Variants in ZNF707 observed in about 807,000 individuals in gnomAD.
ZNF707 encodes zinc finger protein 707.
Under a neutral mutation model 13.3 loss-of-function variants are expected in ZNF707, and 8 were observed. The observed-to-expected ratio is 0.60, with a 90% CI of 0.35 to 1.09. ZNF707 has a LOEUF of 1.09. Among genes scored for constraint, ZNF707 ranks in the 50% least tolerant of loss-of-function variants. The pLI is 0.02. For missense variants in ZNF707, 530 were observed against 512.6 expected (o/e 1.03, Z -0.33); for synonymous variants, 225 against 205.6 (o/e 1.09, Z -0.81).
chr8:143,687,006 G>C (rs1816347298), intron 1 of ZNF707: 1 of 151,650 alleles, frequency 6.6e-6, no homozygotes, highest in South Asian at 2.1e-4. Context: ...TGAGCAGCTG[G>C]GATGACAGGC....
intron 1 of ZNF707, among the ~76,000 whole-genome samples, chr8:143,685,716 G>A (rs1292711076): frequency 6.6e-6 from 1 of 151,926 alleles, no homozygotes; most frequent in Non-Finnish European, 1.5e-5. Flanking sequence ...TGGCACATGC[G>A]CTTTTGGTCC....
At position 143,691,657 on chromosome 8, in the gene ZNF707, G is replaced by T; in HGVS notation, c.200G>T (p.Trp67Leu). The T allele has an allele frequency of 6.2e-7, 1 of 1,609,064 alleles. No individual in the cohort carries two copies. Among genetic ancestry groups the T allele is most frequent in the East Asian group, 2.2e-5 (1 of 44,634 alleles). Residue 67 changes from tryptophan (W) to leucine (L), a missense_variant, in exon 5 of 6, where the codon TGG (tryptophan) becomes TTG (leucine). Coordinates refer to ENST00000358656, the MANE Select transcript of ZNF707 (RefSeq NM_001100598.2). ...CGCCTGGAACAGTGGGAGGAGCCGT[G>T]GGTTGAAGACCGGGAGAGACCTGAG... is the stretch of plus-strand genomic sequence containing the variant. ...VSRLEQWEEP[W>L]VEDRERPEFQ...
At chr8:143,691,292 G>A (rs1339096625) in intron 4 of ZNF707, 93 bp downstream of exon 4, 4 of 1,495,350 alleles carry the variant, frequency 2.7e-6, no homozygotes, top group African/African-American at 2.8e-5. Context: ...GACAGTAGTG[G>A]GGCCTCCCAG....
intron 5 of ZNF707, chr8:143,692,238 T>A (rs1293507927): frequency 1.6e-6 from 2 of 1,290,310 alleles, no homozygotes; most frequent in Non-Finnish European, 2.0e-6. Flanking sequence ...TTTACTTACA[T>A]TTTCAGAGTG....
At chr8:143,685,248 G>C (rs569718282) in intron 1 of ZNF707, among the ~76,000 whole-genome samples, 9 of 152,282 alleles carry the variant, frequency 5.9e-5, no homozygotes, top group Non-Finnish European at 1.2e-4. Context: ...AGCTTAGCCA[G>C]GCAAGGTGGC....
rs1356585497 is a variant in ZNF707, at chr8:143,690,912, GAC to G, written c.16-157_16-156del. Reference sequence around the variant, plus strand: ...TCTCTTCCACAGAGGCCCATCTCCAGACACAGCCACTCGGGGCTCTGGGCTTC... The same window carrying G: ...TCTCTTCCACAGAGGCCCATCTCCAGACAGCCACTCGGGGCTCTGGGCTTC... On this transcript the variant is annotated intron_variant, in intron 3 of 5. Coordinates refer to ENST00000358656, the MANE Select transcript of ZNF707 (RefSeq NM_001100598.2). The G allele has an allele frequency of 4.2e-6, 4 of 947,488 alleles. No individual in the cohort carries two copies. In the African/African-American group the frequency reaches 6.6e-5, roughly 16 times the overall value. 58.7% of individuals were successfully genotyped at this position (947,488 alleles called of 1,614,324 possible).
intron 5 of ZNF707, among the ~76,000 whole-genome samples, chr8:143,692,887 G>A (rs557424647): frequency 3.5e-4 from 53 of 151,482 alleles, no homozygotes; most frequent in Non-Finnish European, 5.5e-4. Flanking sequence ...TCGCATCCCC[G>A]GGTGTGTGGA....
chr8:143,686,114 T>C (rs1159929494), intron 1 of ZNF707, among the ~76,000 whole-genome samples: 1 of 152,084 alleles, frequency 6.6e-6, no homozygotes, highest in Non-Finnish European at 1.5e-5. Context: ...TTTTTGTTTT[T>C]TTTGAGATCG....
rs61997231 is a variant in ZNF707, at chr8:143,690,115, A to G, written c.7A>G (p.Met3Val). Residue 3 changes from methionine (M) to valine (V), a missense_variant, in exon 3 of 6, where the codon ATG becomes GTG. Met to Val is a conservative substitution (Grantham distance 21). Transcript: ENST00000358656. MD[M>V]AQEPVTFRDV... The stretch of plus-strand genomic sequence containing the variant: ...GGGTGGCCTCGCTGTTCCCATGGAC[A>G]TGGCCCAGGTGAGCCCTGCTGCTGC... The G allele has an allele frequency of 1.4e-3, 2,182 of 1,607,800 alleles. 12 individuals are homozygous for G. The highest frequency in any genetic ancestry group is 2.3e-3 in the Middle Eastern group (14 of 6,060).
At position 143,693,813 on chromosome 8, in the gene ZNF707, T is replaced by C; in HGVS notation, c.399T>C (p.Leu133=). The change falls in exon 6 of 6, where the codon CTT becomes CTC. Residue 133 remains leucine (L), a synonymous_variant. Coordinates refer to ENST00000358656, the MANE Select transcript of ZNF707 (RefSeq NM_001100598.2). This position sits in a 1 kb window ranked among gnomAD's most constrained non-coding sequence, Gnocchi z 4.1. ...GGCTGGACACGGATGACGGGCAGCTTCCCAGAGCTGCTCCAGAAAGGACAG... is the reference window on the plus strand; with the variant it reads ...GGCTGGACACGGATGACGGGCAGCTCCCCAGAGCTGCTCCAGAAAGGACAG... ...GFRLDTDDGQ[L]PRAAPERTDA... is the part of the protein sequence containing the mutation. 1.2e-6 allele frequency: 2 copies of C among 1,612,734 alleles called. No individual in the cohort carries two copies. Among genetic ancestry groups the C allele is most frequent in the African/African-American group, 1.3e-5 (1 of 75,048 alleles).
In ZNF707 at chr8:143,694,427, A is replaced by C. The variant is rs782183106; in HGVS notation, c.1013A>C (p.His338Pro). 6.2e-7 allele frequency: 1 copy of C among 1,612,302 alleles called. No individual in the cohort carries two copies. The highest frequency in any genetic ancestry group is 8.5e-7 in the Non-Finnish European group (1 of 1,179,656). Residue 338 changes from histidine (H) to proline (P), a missense_variant, in exon 6 of 6, where the codon CAC becomes CCC. Coordinates refer to ENST00000358656, the MANE Select transcript of ZNF707 (RefSeq NM_001100598.2). The surrounding 1 kb of genome is among the most constrained non-coding windows in gnomAD (Gnocchi z 4.4). ...PKGFSIHRRLHLTKRFYECGH... is the reference protein window; with the variant it reads ...PKGFSIHRRLPLTKRFYECGH... ...GGCTTCAGCATCCACCGGAGGCTGC[A>C]CCTGACGAAGAGGTTCTACGAGTGC...
At chr8:143,690,211 A>G in intron 3 of ZNF707, 88 bp downstream of exon 3, 1 of 1,537,180 alleles carries the variant, frequency 6.5e-7, no homozygotes, top group South Asian at 1.1e-5. Flanking sequence ...GGTCTGTGGC[A>G]GTGGCTTCCC....
rs1286458026 is a variant in ZNF707 at position 143,691,644 on chromosome 8, T to A, written c.187T>A (p.Trp63Arg). Residue 63 changes from tryptophan (W) to arginine (R), a missense_variant, in exon 5 of 6, where the codon TGG becomes AGG. Trp to Arg is a moderately radical substitution (Grantham distance 101). Coordinates refer to ENST00000358656, the MANE Select transcript of ZNF707 (RefSeq NM_001100598.2). ...AGACCTCGTCTCTCGCCTGGAACAG[T>A]GGGAGGAGCCGTGGGTTGAAGACCG... ...RPDLVSRLEQ[W>R]EEPWVEDRER... 1.9e-6 allele frequency: 3 copies of A among 1,609,736 alleles called. No individual in the cohort carries two copies. The African/African-American group carries it at 4.0e-5, about 22-fold the overall frequency.
At chr8:143,684,794 T>C (rs1816104750) in intron 1 of ZNF707, 2 of 152,380 alleles carry the variant, frequency 1.3e-5, no homozygotes, top group Non-Finnish European at 2.9e-5. Flanking sequence ...TTGAAGCTGG[T>C]TTCTTCCTGG....
chr8:143,685,124 C>T (rs559997554), intron 1 of ZNF707: 4 of 152,652 alleles, frequency 2.6e-5, no homozygotes, highest in African/African-American at 9.6e-5. Context: ...CCCTGTAAGT[C>T]CCAATCCTGG....
intron 5 of ZNF707, chr8:143,692,338 G>A (rs1333109173): frequency 1.2e-5 from 15 of 1,289,206 alleles, no homozygotes; most frequent in African/African-American, 3.0e-5. Flanking sequence ...TAGGTGTGTG[G>A]AGCCCCCGAC....
chr8:143,693,485 C>T lies in ZNF707; in HGVS notation c.257-186C>T, dbSNP rs781954464. ...TGTATTTTTTTTTTTTTAGTAGAGA[C>T]GGGGTTTCACCTTGTTAGCCAGGAT... On this transcript the variant is annotated intron_variant, in intron 5 of 5. Transcript: ENST00000358656. The surrounding 1 kb of genome is among the most constrained non-coding windows in gnomAD (Gnocchi z 4.1). 3.4e-4 allele frequency among the ~76,000 whole-genome samples: 51 copies of T among 150,790 alleles called. No homozygotes were observed. The highest frequency in any genetic ancestry group is 5.3e-4 in the Admixed American group (8 of 15,162).
rs1817174136 is a variant in ZNF707 at position 143,694,599 on chromosome 8, A to G, written c.*69A>G. On this transcript the variant is annotated 3_prime_UTR_variant, in exon 6 of 6. Coordinates refer to ENST00000358656, the MANE Select transcript of ZNF707 (RefSeq NM_001100598.2). This position sits in a 1 kb window ranked among gnomAD's most constrained non-coding sequence, Gnocchi z 4.4. ...GGTCCTGAGGGAGAGCTGCAGTGAG[A>G]AGTTGCTCTTCAGCCTGGAAAATCA... is the stretch of plus-strand genomic sequence containing the variant. 6.8e-7 allele frequency: 1 copy of G among 1,460,264 alleles called. No individual in the cohort carries two copies. Among genetic ancestry groups the G allele is most frequent in the Non-Finnish European group, 9.1e-7 (1 of 1,100,002 alleles). 90.5% of individuals were successfully genotyped at this position (1,460,264 alleles called of 1,614,324 possible).
Position 143,690,125 on chromosome 8 carries a change from T to A in ZNF707, c.15+2T>A. ...GCTGTTCCCATGGACATGGCCCAGG[T>A]GAGCCCTGCTGCTGCCGAGCGCAGC... On this transcript the variant is annotated splice_donor_variant, in intron 3 of 5. Coordinates refer to ENST00000358656, the MANE Select transcript of ZNF707 (RefSeq NM_001100598.2). LOFTEE classifies it high-confidence loss of function. The A allele has an allele frequency of 6.2e-7, 1 of 1,606,546 alleles. No homozygotes were observed.
Sources: allele counts gnomAD v4.1 joint callset (sites outside exome capture counted in the v4.1 genomes callset), GRCh38; gene constraint gnomAD v4.1.1; non-coding constraint Gnocchi (gnomAD v3.1); transcripts MANE v1.5; gene names NCBI Gene and HGNC (gene_info 2026-07-23, HGNC 2026-07-21).